GRM8: variants seen among roughly 807,000 people sequenced by gnomAD.
The protein encoded by GRM8 is glutamate metabotropic receptor 8.
In GRM8, 47 loss-of-function variants were observed where a neutral mutation model predicts 87.2. The ratio of observed to expected loss-of-function variants is 0.54; its 90% CI spans 0.43 to 0.69. The LOEUF (loss-of-function observed/expected upper bound fraction) is 0.69, where lower values mean the gene tolerates loss of function less well. GRM8 is among the 30% of genes least tolerant of loss of function. The pLI, the probability that GRM8 is intolerant of heterozygous loss-of-function variation, is 0.00. For synonymous variants in GRM8, 396 were observed against 404.5 expected (o/e 0.98, Z 0.25); for missense variants, 1,019 against 1,139.2 (o/e 0.89, Z 1.52).
At chr7:127,177,602 C>T (rs542645360) in intron 2 of GRM8, among the ~76,000 whole-genome samples, 1 of 152,186 alleles carries the variant, frequency 6.6e-6, no homozygotes, top group Non-Finnish European at 1.5e-5. Flanking sequence ...CCATTGAACA[C>T]CCCTGCCACC....
intron 8 of GRM8, among the ~76,000 whole-genome samples, chr7:126,537,572 C>T (rs1190738685): frequency 6.6e-6 from 1 of 152,152 alleles, no homozygotes; most frequent in African/African-American, 2.4e-5. Flanking sequence ...GTCAGGAGAT[C>T]GAGACCATCC....
intron 3 of GRM8, among the ~76,000 whole-genome samples, chr7:126,994,309 C>T (rs1023040957): frequency 6.6e-6 from 1 of 152,156 alleles, no homozygotes; most frequent in African/African-American, 2.4e-5. Flanking sequence ...GACTAAAGAG[C>T]CCCCGAACCC....
intron 9 of GRM8, among the ~76,000 whole-genome samples, chr7:126,496,032 G>C (rs1306906680): frequency 6.6e-6 from 1 of 151,972 alleles, no homozygotes; most frequent in Admixed American, 6.6e-5. Context: ...ATTCCACAGG[G>C]CTCCAGAGTC....
intron 7 of GRM8, among the ~76,000 whole-genome samples, chr7:126,670,504 G>T (rs1346481555): frequency 6.6e-6 from 1 of 152,142 alleles, no homozygotes; most frequent in Non-Finnish European, 1.5e-5. Context: ...TTTGTCAATT[G>T]TGTGTCTAAC....
intron 6 of GRM8, among the ~76,000 whole-genome samples, chr7:126,828,912 C>T (rs1376235869): frequency 3.3e-5 from 5 of 152,004 alleles, no homozygotes; most frequent in Admixed American, 6.6e-5. Context: ...TCTTTGTTCT[C>T]GTTGGTTTCA....
At chr7:126,605,777 A>G (rs1307008980) in intron 8 of GRM8, among the ~76,000 whole-genome samples, 1 of 152,184 alleles carries the variant, frequency 6.6e-6, no homozygotes. Context: ...TCCTGTCAGT[A>G]TCCTCCTTTG....
At chr7:126,449,142 G>A (rs1199870231) in intron 9 of GRM8, among the ~76,000 whole-genome samples, 1 of 151,788 alleles carries the variant, frequency 6.6e-6, no homozygotes, top group Non-Finnish European at 1.5e-5. Context: ...GTAGACCTGG[G>A]TATGAATTCT....
At chr7:126,554,208 T>A (rs2150938555) in intron 8 of GRM8, among the ~76,000 whole-genome samples, 1 of 152,142 alleles carries the variant, frequency 6.6e-6, no homozygotes, top group Non-Finnish European at 1.5e-5. Context: ...GACATAAGAT[T>A]TTTTTAAATT....
At chr7:127,241,419 A>C (rs996076226) in intron 2 of GRM8, among the ~76,000 whole-genome samples, 7 of 148,912 alleles carry the variant, frequency 4.7e-5, no homozygotes, top group African/African-American at 1.7e-4. Context: ...TCTAATGTGC[A>C]TAGGACCTTT....
chr7:127,026,689 T>G (rs906256261), intron 3 of GRM8, among the ~76,000 whole-genome samples: 1 of 152,094 alleles, frequency 6.6e-6, no homozygotes, highest in African/African-American at 2.4e-5. Flanking sequence ...CACTTTTTGA[T>G]GGTTTTTTCT....
At chr7:126,767,386 T>C (rs896435872) in intron 7 of GRM8, among the ~76,000 whole-genome samples, 1 of 152,142 alleles carries the variant, frequency 6.6e-6, no homozygotes, top group African/African-American at 2.4e-5. Context: ...CTGCTTTTGC[T>C]GTAAAATTTT....
At chr7:126,529,952 G>C (rs941951904) in intron 9 of GRM8, among the ~76,000 whole-genome samples, 8 of 152,136 alleles carry the variant, frequency 5.3e-5, no homozygotes, top group African/African-American at 4.8e-5. Flanking sequence ...GAATTCAGCA[G>C]TAGTTACAAA....
intron 2 of GRM8, among the ~76,000 whole-genome samples, chr7:127,163,216 G>T (rs1240381503): frequency 6.6e-6 from 1 of 152,138 alleles, no homozygotes; most frequent in Admixed American, 6.5e-5. Flanking sequence ...TCTGTTTCTG[G>T]TGAGGCCTCA....
chr7:126,759,958 AT>A (rs1344528377), intron 7 of GRM8, among the ~76,000 whole-genome samples: 3 of 152,182 alleles, frequency 2.0e-5, no homozygotes, highest in Non-Finnish European at 2.9e-5. Context: ...GTAAAGCTAG[AT>A]TCAAACTGAG....
At chr7:126,591,744 C>A (rs1796687452) in intron 8 of GRM8, among the ~76,000 whole-genome samples, 1 of 150,186 alleles carries the variant, frequency 6.7e-6, no homozygotes. Flanking sequence ...ACAAACTAAG[C>A]TCAAAGTTAG....
intron 9 of GRM8, among the ~76,000 whole-genome samples, chr7:126,469,473 G>C (rs1804894608): frequency 6.6e-6 from 1 of 152,080 alleles, no homozygotes; most frequent in African/African-American, 2.4e-5. Context: ...ATTTTGAACT[G>C]TAGCTCCCAC....
chr7:126,618,611 T>C (rs890388181), intron 7 of GRM8, among the ~76,000 whole-genome samples: 3 of 151,582 alleles, frequency 2.0e-5, no homozygotes, highest in African/African-American at 7.3e-5. Context: ...GGGGAGAAAA[T>C]TTTTACCATC....
intron 7 of GRM8, among the ~76,000 whole-genome samples, chr7:126,718,783 T>A (rs1812052641): frequency 1.3e-5 from 2 of 152,320 alleles, no homozygotes; most frequent in African/African-American, 4.8e-5. Flanking sequence ...TCAGCCACTT[T>A]CACTTGGGCT....
chr7:126,640,355 A>G (rs1802251313), intron 7 of GRM8, among the ~76,000 whole-genome samples: 1 of 152,186 alleles, frequency 6.6e-6, no homozygotes, highest in African/African-American at 2.4e-5. Flanking sequence ...AGAATAAACT[A>G]GAATAACTAA....
Sources: allele counts gnomAD v4.1 joint callset (sites outside exome capture counted in the v4.1 genomes callset), GRCh38; gene constraint gnomAD v4.1.1; transcripts MANE v1.5; gene names NCBI Gene and HGNC (gene_info 2026-07-23, HGNC 2026-07-21).